The following LARP7 variants were observed in gnomAD, a reference collection of about 807,000 sequenced individuals.
LARP7 encodes la-related protein 7.
LARP7 carries 52 observed loss-of-function variants against 69.3 expected under a neutral mutation model. That is an observed-to-expected ratio of 0.75 (90% CI 0.60 to 0.95). The LOEUF (loss-of-function observed/expected upper bound fraction) is 0.95, where lower values mean the gene tolerates loss of function less well. LARP7 is among the 40% of genes least tolerant of loss of function. The probability of loss-of-function intolerance (pLI) is 0.00; values close to 1 mark genes in which losing one functional copy is unlikely to be tolerated. For synonymous variants in LARP7, 254 were observed against 215.9 expected (o/e 1.18, Z -1.55); for missense variants, 733 against 673.0 (o/e 1.09, Z -0.99).
At chr4:112,656,099 T>G (rs1321218291) in intron 12 of LARP7, among the ~76,000 whole-genome samples, 1 of 152,168 alleles carries the variant, frequency 6.6e-6, no homozygotes, top group Non-Finnish European at 1.5e-5. Flanking sequence ...AAAAAAATTC[T>G]GGCTCTTAAT....
chr4:112,646,774 CTT>C lies in LARP7; in HGVS notation c.388-14_388-13del. On this transcript the variant is annotated splice_polypyrimidine_tract_variant and intron_variant, in intron 4 of 12. Coordinates refer to ENST00000344442, the MANE Select transcript of LARP7 (RefSeq NM_016648.4). ...CTGATTGTGAAAAACTCTAATATTG[CTT>C]TTAATTTATAATAGGAGTTACTTCC... 6.4e-7 allele frequency: 1 copy of C among 1,567,294 alleles called. No homozygotes were observed. The highest frequency in any genetic ancestry group is 8.6e-7 in the Non-Finnish European group (1 of 1,159,510).
At chr4:112,655,106 T>C (rs1468851540) in intron 12 of LARP7, among the ~76,000 whole-genome samples, 1 of 152,190 alleles carries the variant, frequency 6.6e-6, no homozygotes, top group Non-Finnish European at 1.5e-5. Context: ...TGAATTTTGT[T>C]TCCTTGAAAG....
intron 8 of LARP7, chr4:112,648,513 T>C (rs1345571579): frequency 1.9e-6 from 1 of 534,232 alleles, no homozygotes; most frequent in African/African-American, 1.9e-5. Context: ...AAGCACTTAC[T>C]TTTAAAGTCA....
intron 8 of LARP7, chr4:112,648,440 C>CATTTGA: frequency 1.9e-6 from 1 of 534,516 alleles, no homozygotes; most frequent in Admixed American, 1.9e-5. Context: ...GGGATCCCTT[C>CATTTGA]AAATGAGGTT....
chr4:112,650,701 A>G (rs114504401), intron 10 of LARP7, 119 bp downstream of exon 10: 11,571 of 1,080,392 alleles, frequency 0.011, 72 homozygotes, highest in Non-Finnish European at 0.013. Context: ...TCCCTATGGT[A>G]AACTACTGTA....
chr4:112,639,453 A>G (rs994402257), intron 1 of LARP7, among the ~76,000 whole-genome samples: 1 of 151,478 alleles, frequency 6.6e-6, no homozygotes, highest in Non-Finnish European at 1.5e-5. Flanking sequence ...GATGGTCTCC[A>G]TCTCCTGACC....
In LARP7 at chr4:112,656,124, G is replaced by A. The variant is rs1276701222; in HGVS notation, c.1669-1123G>A. ...TGGCTCTTAATATTCACATTATGGGGCCAGGCACGGTGGCTCATGCCTATA... is the reference window on the plus strand; with the variant it reads ...TGGCTCTTAATATTCACATTATGGGACCAGGCACGGTGGCTCATGCCTATA... On this transcript the variant is annotated intron_variant, in intron 12 of 12. Transcript: ENST00000344442. 2.0e-5 allele frequency among the ~76,000 whole-genome samples: 3 copies of A among 152,168 alleles called. No individual in the cohort carries two copies. The South Asian group carries it at 6.2e-4, about 32-fold the overall frequency.
In LARP7 at chr4:112,646,862, T is replaced by C. The variant is rs2048293303; in HGVS notation, c.459T>C (p.Tyr153=). 1.9e-6 allele frequency: 3 copies of C among 1,607,878 alleles called. No individual in the cohort carries two copies. Among genetic ancestry groups the C allele is most frequent in the Non-Finnish European group, 2.5e-6 (3 of 1,178,350 alleles). Residue 153 remains tyrosine (Y), a synonymous_variant, in exon 5 of 13, where the codon TAT becomes TAC. Coordinates refer to ENST00000344442, the MANE Select transcript of LARP7 (RefSeq NM_016648.4). ...RVFGKCGNVV[Y]ISIPHYKSTG... ...TTGGGAAATGTGGCAATGTTGTTTA[T>C]ATAAGTATACCACATTATAAGTCTA...
In LARP7 at chr4:112,640,860, A is replaced by G. The variant is rs550560874; in HGVS notation, c.-3+3621A>G. On this transcript the variant is annotated intron_variant, in intron 1 of 12. Transcript: ENST00000344442. ...AGTCTCTCTAAGAAGTGACATTTGC[A>G]GAGACCTAAGTGAACAAGGAAGTAA... Among the ~76,000 whole-genome samples the G allele has an allele frequency of 3.3e-4, 50 of 152,376 alleles. 1 individual carries two copies. The highest frequency in any genetic ancestry group is 1.2e-3 in the African/African-American group (48 of 41,584).
intron 10 of LARP7, 71 bp downstream of exon 10, chr4:112,650,653 G>C: frequency 6.9e-7 from 1 of 1,439,994 alleles, no homozygotes; most frequent in Non-Finnish European, 9.4e-7. Flanking sequence ...AAAATGTTTT[G>C]AATATGGAAG....
chr4:112,646,859 T>C lies in LARP7; in HGVS notation c.456T>C (p.Val152=). The C allele has an allele frequency of 6.2e-7, 1 of 1,607,490 alleles. No homozygotes were observed. The stretch of plus-strand genomic sequence containing the variant: ...TATTTGGGAAATGTGGCAATGTTGT[T>C]TATATAAGTATACCACATTATAAGT... The part of the protein sequence containing the change: ...ERVFGKCGNV[V]YISIPHYKST... Residue 152 remains valine (V), a synonymous_variant, in exon 5 of 13, where the codon GTT becomes GTC. Coordinates refer to ENST00000344442, the MANE Select transcript of LARP7 (RefSeq NM_016648.4).
chr4:112,650,218 C>T (rs527765881), intron 9 of LARP7, among the ~76,000 whole-genome samples: 1 of 152,122 alleles, frequency 6.6e-6, no homozygotes, highest in Admixed American at 6.6e-5. Context: ...AATTTAAAGG[C>T]TTTACGAATG....
chr4:112,656,202 G>T (rs906157928), intron 12 of LARP7, among the ~76,000 whole-genome samples: 8 of 151,976 alleles, frequency 5.3e-5, no homozygotes, highest in African/African-American at 1.9e-4. Context: ...GTCAGGAGTT[G>T]GAGACCAGCC....
At chr4:112,641,626 A>G (rs1029996549) in intron 1 of LARP7, among the ~76,000 whole-genome samples, 2 of 152,238 alleles carry the variant, frequency 1.3e-5, no homozygotes, top group Admixed American at 6.5e-5. Context: ...TTTTAAAGTT[A>G]GAGCTAACAG....
chr4:112,647,580 CTAATTAATTTTAATTAAT>C (rs770316916), intron 7 of LARP7, 31 bp downstream of exon 7: 1 of 1,318,932 alleles, frequency 7.6e-7, no homozygotes, highest in South Asian at 1.5e-5. Context: ...TTAGATAAAA[CTAATTAATTTTAATTAAT>C]TAGTTTTTAA....
intron 1 of LARP7, among the ~76,000 whole-genome samples, chr4:112,639,644 G>A (rs897491370): frequency 6.6e-6 from 1 of 152,044 alleles, no homozygotes; most frequent in Non-Finnish European, 1.5e-5. Flanking sequence ...ACAAAACCAG[G>A]TCTGTGTTTT....
chr4:112,652,536 A>AT (rs975879670), intron 10 of LARP7, among the ~76,000 whole-genome samples: 1 of 151,790 alleles, frequency 6.6e-6, no homozygotes, highest in South Asian at 2.1e-4. Context: ...TTACTTAGGT[A>AT]TTTTTTTCAG....
chr4:112,638,212 C>T (rs1368056160), intron 1 of LARP7, among the ~76,000 whole-genome samples: 1 of 152,194 alleles, frequency 6.6e-6, no homozygotes, highest in Non-Finnish European at 1.5e-5. Context: ...GGGAGAATCG[C>T]TTGAACTCGG....
chr4:112,653,965 CA>C (rs1183660805), intron 11 of LARP7, 102 bp from the exon 12 acceptor site: 13 of 815,792 alleles, frequency 1.6e-5, no homozygotes, highest in Non-Finnish European at 2.5e-5. Context: ...TAAATATAAT[CA>C]AAAACTGTCC....
Sources: allele counts gnomAD v4.1 joint callset (sites outside exome capture counted in the v4.1 genomes callset), GRCh38; gene constraint gnomAD v4.1.1; transcripts MANE v1.5; gene names NCBI Gene and HGNC (gene_info 2026-07-23, HGNC 2026-07-21).